GPR158: variants seen among roughly 807,000 people sequenced by gnomAD.
The protein encoded by GPR158 is G protein-coupled receptor 158.
In GPR158, 30 loss-of-function variants were observed where a neutral mutation model predicts 78.2. The ratio of observed to expected loss-of-function variants is 0.38; its 90% confidence interval spans 0.29 to 0.52. The LOEUF (loss-of-function observed/expected upper bound fraction) is 0.52, where lower values mean the gene tolerates loss of function less well. Among genes scored for constraint, GPR158 ranks in the 20% least tolerant of loss-of-function variants. The probability of loss-of-function intolerance (pLI) is 0.83; values close to 1 mark genes in which losing one functional copy is unlikely to be tolerated. For synonymous variants in GPR158, 581 were observed against 591.1 expected (o/e 0.98, Z 0.25); for missense variants, 1,463 against 1,523.5 (o/e 0.96, Z 0.66).
chr10:25,511,260 G>A (rs1245915333), intron 5 of GPR158, among the ~76,000 whole-genome samples: 5 of 152,020 alleles, frequency 3.3e-5, no homozygotes, highest in African/African-American at 7.2e-5. Flanking sequence ...AAGTGGTATC[G>A]CATTGTGGTT....
At chr10:25,341,398 G>T (rs1855300730) in intron 2 of GPR158, among the ~76,000 whole-genome samples, 1 of 151,934 alleles carries the variant, frequency 6.6e-6, no homozygotes, top group South Asian at 2.1e-4. Context: ...TCTGGGAAGA[G>T]AATTTATATT....
At chr10:25,315,503 T>C (rs866967239) in intron 2 of GPR158, among the ~76,000 whole-genome samples, 17 of 152,296 alleles carry the variant, frequency 1.1e-4, no homozygotes, top group Admixed American at 4.6e-4. Flanking sequence ...TTTGATTATT[T>C]AGCATGTAGT....
chr10:25,440,069 A>G (rs914763560), intron 4 of GPR158, among the ~76,000 whole-genome samples: 3 of 152,216 alleles, frequency 2.0e-5, no homozygotes, highest in African/African-American at 4.8e-5. Flanking sequence ...GGCTTCCTGA[A>G]GGTAAAGGTG....
intron 4 of GPR158, among the ~76,000 whole-genome samples, chr10:25,460,314 G>T (rs1437309659): frequency 6.6e-6 from 1 of 151,578 alleles, no homozygotes; most frequent in Non-Finnish European, 1.5e-5. Flanking sequence ...CAATTCTCCT[G>T]CCTCAGCCTC....
chr10:25,392,112 A>G (rs890759634), intron 2 of GPR158, among the ~76,000 whole-genome samples: 2 of 151,802 alleles, frequency 1.3e-5, no homozygotes, highest in South Asian at 2.1e-4. Flanking sequence ...GTCAATTAAG[A>G]CTCTTTCCTT....
chr10:25,283,263 G>C (rs1243522862), intron 2 of GPR158, among the ~76,000 whole-genome samples: 1 of 151,944 alleles, frequency 6.6e-6, no homozygotes, highest in African/African-American at 2.4e-5. Flanking sequence ...TTTTATTTAA[G>C]TTGTCACATT....
rs1379539387 is a variant in GPR158, at chr10:25,241,173, CTTT to C, written c.1008+20017_1008+20019del. Among the ~76,000 whole-genome samples the C allele has an allele frequency of 7.9e-3, 780 of 98,486 alleles. 11 individuals carry two copies. Among genetic ancestry groups the C allele is most frequent in the African/African-American group, 0.03 (685 of 22,970 alleles). The allele number at this position is 98,486 out of a possible 152,430, so 64.6% of individuals were successfully genotyped here. A position where few individuals can be genotyped will look rare whatever the true frequency, so the allele number is the denominator to read the frequency against. On this transcript the variant is annotated intron_variant, in intron 2 of 10. Coordinates refer to ENST00000376351, the MANE Select transcript of GPR158 (RefSeq NM_020752.3). ...TCTTTCTTTCTTTCTTTCTTTCTTT[CTTT>C]CTTTCTTTCTTTCCTTTCTTTCTTT...
intron 4 of GPR158, among the ~76,000 whole-genome samples, chr10:25,430,678 A>G (rs1328770793): frequency 2.7e-5 from 4 of 146,486 alleles, no homozygotes; most frequent in Non-Finnish European, 6.1e-5. Flanking sequence ...AGATCAATGG[A>G]ACAGAACAGA....
intron 7 of GPR158, among the ~76,000 whole-genome samples, chr10:25,587,528 A>G (rs1401003766): frequency 6.6e-6 from 1 of 152,240 alleles, no homozygotes; most frequent in Non-Finnish European, 1.5e-5. Context: ...TGGGTAAAGA[A>G]GGCAACGGTA....
intron 5 of GPR158, among the ~76,000 whole-genome samples, chr10:25,473,536 G>A (rs542762051): frequency 6.6e-6 from 1 of 152,126 alleles, no homozygotes; most frequent in Non-Finnish European, 1.5e-5. Context: ...AATGGTCCCA[G>A]CTCCTCCTTG....
intron 5 of GPR158, among the ~76,000 whole-genome samples, chr10:25,481,021 A>C (rs889520216): frequency 3.3e-5 from 5 of 152,202 alleles, no homozygotes; most frequent in Non-Finnish European, 5.9e-5. Context: ...TATGTGTGTC[A>C]GTCAGTCAGA....
At chr10:25,376,930 A>G (rs1228543281) in intron 2 of GPR158, among the ~76,000 whole-genome samples, 1 of 151,528 alleles carries the variant, frequency 6.6e-6, no homozygotes, top group African/African-American at 2.4e-5. Flanking sequence ...GTAAAATTAT[A>G]TGTGTATATT....
At chr10:25,527,323 A>G (rs1836362778) in intron 5 of GPR158, among the ~76,000 whole-genome samples, 1 of 152,210 alleles carries the variant, frequency 6.6e-6, no homozygotes, top group African/African-American at 2.4e-5. Flanking sequence ...TGAAATGTTC[A>G]CCAAGATAAC....
intron 2 of GPR158, among the ~76,000 whole-genome samples, chr10:25,364,780 T>C (rs560423752): frequency 8.6e-5 from 13 of 151,996 alleles, no homozygotes; most frequent in African/African-American, 3.1e-4. Context: ...TTAGGAATGC[T>C]AAGAAGATAT....
chr10:25,330,227 T>C (rs1376078607), intron 2 of GPR158, among the ~76,000 whole-genome samples: 1 of 152,188 alleles, frequency 6.6e-6, no homozygotes, highest in East Asian at 1.9e-4. Context: ...AACCTTCCTC[T>C]TCTAGCTAAG....
chr10:25,299,926 A>G (rs1297142995), intron 2 of GPR158, among the ~76,000 whole-genome samples: 1 of 152,076 alleles, frequency 6.6e-6, no homozygotes, highest in Non-Finnish European at 1.5e-5. Context: ...TCCAGGGTTC[A>G]AGTGATTCTC....
Position 25,241,331 on chromosome 10 carries a change from C to CTTCTCTT in GPR158, c.1008+20193_1008+20199dup, listed in dbSNP as rs757425829. 7.3e-5 allele frequency among the ~76,000 whole-genome samples: 9 copies of CTTCTCTT among 123,870 alleles called. No individual in the cohort carries two copies. The South Asian group carries it at 7.4e-4, about 10-fold the overall frequency. The allele number at this position is 123,870 out of a possible 152,430, so 81.3% of individuals were successfully genotyped here. On this transcript the variant is annotated intron_variant, in intron 2 of 10. Coordinates refer to ENST00000376351, the MANE Select transcript of GPR158 (RefSeq NM_020752.3). ...TTTCTTTTCTCTTCTCTTCTCTTCT[C>CTTCTCTT]TTCTCTTTTCTCTTTTCTCTTTTCT...
chr10:25,224,749 C>G (rs566103969), intron 2 of GPR158, among the ~76,000 whole-genome samples: 62 of 152,200 alleles, frequency 4.1e-4, no homozygotes, highest in African/African-American at 1.2e-3. Flanking sequence ...ACTATGTTTG[C>G]TACCAATTTT....
At chr10:25,385,782 G>C (rs1012876984) in intron 2 of GPR158, among the ~76,000 whole-genome samples, 1 of 151,850 alleles carries the variant, frequency 6.6e-6, no homozygotes, top group African/African-American at 2.4e-5. Flanking sequence ...GCAGAAATTT[G>C]CCCACTTAAA....
Sources: allele counts gnomAD v4.1 joint callset (sites outside exome capture counted in the v4.1 genomes callset), GRCh38; gene constraint gnomAD v4.1.1; transcripts MANE v1.5; gene names NCBI Gene and HGNC (gene_info 2026-07-23, HGNC 2026-07-21).